EFHC1: variants seen among roughly 807,000 people sequenced by gnomAD.
EFHC1 encodes the protein EF-hand domain containing 1, also known as EF-hand domain-containing protein 1.
In EFHC1, 53 loss-of-function variants were observed where a neutral mutation model predicts 69.9. The observed-to-expected ratio is 0.76, with a 90% CI of 0.61 to 0.95. EFHC1 has a LOEUF of 0.95. Among genes scored for constraint, EFHC1 ranks in the 40% least tolerant of loss-of-function variants. The probability of loss-of-function intolerance (pLI) is 0.00; values close to 1 mark genes in which losing one functional copy is unlikely to be tolerated. For missense variants in EFHC1, 739 were observed against 798.7 expected (o/e 0.93, Z 0.90); for synonymous variants, 256 against 278.4 (o/e 0.92, Z 0.80).
chr6:52,435,926 A>C (rs1187733575), intron 2 of EFHC1, among the ~76,000 whole-genome samples: 2 of 152,196 alleles, frequency 1.3e-5, no homozygotes, highest in Non-Finnish European at 2.9e-5. Context: ...TGTGGAGAGA[A>C]TATTGGGTTG....
At chr6:52,477,771 A>G (rs997815211) in intron 7 of EFHC1, among the ~76,000 whole-genome samples, 1 of 152,240 alleles carries the variant, frequency 6.6e-6, no homozygotes, top group Non-Finnish European at 1.5e-5. Flanking sequence ...AAAGGTCAGG[A>G]AACAACAGGT....
chr6:52,460,145 T>C (rs1356087297), intron 5 of EFHC1, among the ~76,000 whole-genome samples: 1 of 152,180 alleles, frequency 6.6e-6, no homozygotes. Flanking sequence ...CAAATGTCTA[T>C]TAACAGTTAG....
intron 5 of EFHC1, among the ~76,000 whole-genome samples, chr6:52,462,336 G>A (rs1765186633): frequency 6.6e-6 from 1 of 151,522 alleles, no homozygotes; most frequent in Admixed American, 6.6e-5. Flanking sequence ...ACTTAAGAAA[G>A]AAGAAAGATG....
chr6:52,469,518 A>G, intron 7 of EFHC1, 45 bp downstream of exon 7: 1 of 1,609,064 alleles, frequency 6.2e-7, no homozygotes, highest in South Asian at 1.1e-5. Flanking sequence ...CTATCTCAGT[A>G]CTGTGTACAA....
chr6:52,467,358 T>G lies in EFHC1; in HGVS notation c.1138-1975T>G, dbSNP rs1414636030. On this transcript the variant is annotated intron_variant, in intron 6 of 10. Coordinates refer to ENST00000371068, the MANE Select transcript of EFHC1 (RefSeq NM_018100.4). Reference sequence around the variant, plus strand: ...ACCACACCCAGCTAATTTTTGTATTTTTAGTACAGACGGGGTTTCACCATG... The same window carrying G: ...ACCACACCCAGCTAATTTTTGTATTGTTAGTACAGACGGGGTTTCACCATG... Among the ~76,000 whole-genome samples, 3 of 149,166 alleles carry G rather than the reference T, an allele frequency of 2.0e-5. No individual in the cohort carries two copies. In the East Asian group the frequency reaches 6.1e-4, roughly 30 times the overall value.
At chr6:52,459,715 C>G (rs1215296313) in intron 5 of EFHC1, among the ~76,000 whole-genome samples, 1 of 151,266 alleles carries the variant, frequency 6.6e-6, no homozygotes, top group Non-Finnish European at 1.5e-5. Flanking sequence ...CGCTTTGTCG[C>G]CCAGGCTGGA....
At chr6:52,476,620 A>C (rs941361167) in intron 7 of EFHC1, among the ~76,000 whole-genome samples, 15 of 152,224 alleles carry the variant, frequency 9.9e-5, no homozygotes, top group Admixed American at 2.0e-4. Context: ...CCTGGTATAC[A>C]CTAAAGACAT....
chr6:52,480,501 G>C (rs1765651205), intron 9 of EFHC1, among the ~76,000 whole-genome samples: 1 of 152,176 alleles, frequency 6.6e-6, no homozygotes, highest in Non-Finnish European at 1.5e-5. Context: ...ACATTGAGTT[G>C]ACCTTCCAAG....
chr6:52,482,268 A>C (rs1765696042), intron 9 of EFHC1: 1 of 152,020 alleles, frequency 6.6e-6, no homozygotes, highest in African/African-American at 2.4e-5. Flanking sequence ...ACTTGAACCC[A>C]GGAGGCGGAG....
intron 3 of EFHC1, among the ~76,000 whole-genome samples, chr6:52,449,201 G>A (rs1764859742): frequency 6.6e-6 from 1 of 152,112 alleles, no homozygotes; most frequent in African/African-American, 2.4e-5. Context: ...GGCTAACACA[G>A]TGAAACCCCA....
In EFHC1 at chr6:52,449,154, C is replaced by T. The variant is rs542339163; in HGVS notation, c.574-3534C>T. Among the ~76,000 whole-genome samples the T allele has an allele frequency of 3.3e-5, 5 of 152,134 alleles. No individual in the cohort carries two copies. In the East Asian group the frequency reaches 5.8e-4, roughly 18 times the overall value. Reference sequence around the variant, plus strand: ...ATCCCAGCACTTTGGGAGGCTGAGGCGGGTGGATCATGAGGTCGGGAGATC... The same window carrying T: ...ATCCCAGCACTTTGGGAGGCTGAGGTGGGTGGATCATGAGGTCGGGAGATC... On this transcript the variant is annotated intron_variant, in intron 3 of 10. Coordinates refer to ENST00000371068, the MANE Select transcript of EFHC1 (RefSeq NM_018100.4).
chr6:52,423,758 A>G, intron 1 of EFHC1, 188 bp from the exon 2 acceptor site: 1 of 1,420,906 alleles, frequency 7.0e-7, no homozygotes, highest in South Asian at 1.3e-5. Context: ...CTCCCTCTTC[A>G]GCCTCCCAGA....
intron 7 of EFHC1, among the ~76,000 whole-genome samples, chr6:52,471,462 A>G (rs1302491962): frequency 6.6e-6 from 1 of 152,216 alleles, no homozygotes; most frequent in African/African-American, 2.4e-5. Context: ...CACAAAAACA[A>G]TATTAATAAT....
intron 5 of EFHC1, among the ~76,000 whole-genome samples, chr6:52,457,970 C>G (rs1157334400): frequency 2.0e-5 from 3 of 152,074 alleles, no homozygotes; most frequent in African/African-American, 7.2e-5. Flanking sequence ...CTACTATAAG[C>G]CCCATATCTC....
At chr6:52,443,909 C>T (rs1159246417) in intron 3 of EFHC1, among the ~76,000 whole-genome samples, 4 of 152,216 alleles carry the variant, frequency 2.6e-5, no homozygotes, top group African/African-American at 9.7e-5. Flanking sequence ...ATTGATTCTT[C>T]CTACCCATGA....
intron 7 of EFHC1, among the ~76,000 whole-genome samples, chr6:52,472,156 T>C (rs1349994879): frequency 2.0e-5 from 3 of 151,558 alleles, no homozygotes; most frequent in African/African-American, 7.3e-5. Context: ...AAAGTAAAAA[T>C]GAAAGAAAAC....
chr6:52,462,837 G>A (rs1289915292), intron 5 of EFHC1, among the ~76,000 whole-genome samples: 1 of 147,576 alleles, frequency 6.8e-6, no homozygotes, highest in African/African-American at 2.5e-5. Context: ...GCAGTGAGCC[G>A]AGATTGTGCC....
chr6:52,440,987 GC>G (rs370292856), intron 3 of EFHC1, among the ~76,000 whole-genome samples: 1,601 of 151,632 alleles, frequency 0.011, 24 homozygotes, highest in African/African-American at 0.037. Flanking sequence ...GGGGTTCTTT[GC>G]TTTTTTTCTT....
intron 3 of EFHC1, among the ~76,000 whole-genome samples, chr6:52,445,169 C>T (rs1237495168): frequency 2.0e-5 from 3 of 149,226 alleles, no homozygotes; most frequent in Non-Finnish European, 4.4e-5. Context: ...TTTATTGCAT[C>T]TATTTGATTC....
Sources: gnomAD v4.1 joint callset for allele counts (sites outside exome capture counted in the v4.1 genomes callset) on GRCh38, gnomAD v4.1.1 for gene constraint, MANE v1.5 for transcripts, NCBI Gene and HGNC (gene_info 2026-07-23, HGNC 2026-07-21) for gene names.